The following PTPRD variants were observed in gnomAD, a reference collection of about 807,000 sequenced individuals.
PTPRD encodes receptor-type tyrosine-protein phosphatase delta.
In PTPRD, 34 loss-of-function variants were observed where a neutral mutation model predicts 214.5. That is an observed-to-expected ratio of 0.16 (90% CI 0.12 to 0.21). PTPRD has a LOEUF of 0.21. PTPRD is among the 10% of genes least tolerant of loss of function. The probability of loss-of-function intolerance (pLI) is 1.00; values close to 1 mark genes in which losing one functional copy is unlikely to be tolerated. For synonymous variants in PTPRD, 1,128 were observed against 845.7 expected (o/e 1.33, Z -5.79); for missense variants, 2,545 against 2,398.7 (o/e 1.06, Z -1.27).
chr9:10,294,460 T>G (rs1028056921), intron 3 of PTPRD, among the ~76,000 whole-genome samples: 1 of 151,912 alleles, frequency 6.6e-6, no homozygotes, highest in Non-Finnish European at 1.5e-5. Context: ...ACAATGACTG[T>G]AAATCAAGTC....
rs573413609 is a variant in PTPRD, at chr9:9,955,994, A to G, written c.-471-17384T>C. Among the ~76,000 whole-genome samples the G allele has an allele frequency of 3.3e-5, 5 of 152,176 alleles. No homozygotes were observed. In the South Asian group the frequency reaches 8.5e-4, roughly 26 times the overall value. On this transcript the variant is annotated intron_variant, in intron 4 of 45. Transcript: ENST00000381196. The stretch of plus-strand genomic sequence containing the variant: ...TGGGGGGGATCTAAAATCTTACACA[A>G]TAATTATTTGAGGCAGGCCACATTT...
chr9:9,298,448 A>T (rs1953972176), intron 9 of PTPRD, among the ~76,000 whole-genome samples: 1 of 151,782 alleles, frequency 6.6e-6, no homozygotes, highest in African/African-American at 2.4e-5. Context: ...GGCAGATGGA[A>T]TACACTTAAA....
intron 8 of PTPRD, among the ~76,000 whole-genome samples, chr9:9,516,164 ATTTT>A (rs1283256095): frequency 6.6e-6 from 1 of 152,130 alleles, no homozygotes; most frequent in African/African-American, 2.4e-5. Context: ...ACTGGATCTT[ATTTT>A]GTTTATACCA....
chr9:10,152,571 A>G (rs2099067895), intron 3 of PTPRD, among the ~76,000 whole-genome samples: 1 of 152,206 alleles, frequency 6.6e-6, no homozygotes, highest in Non-Finnish European at 1.5e-5. Context: ...CACGCTTGTA[A>G]TCCCAGCACT....
Position 8,766,594 on chromosome 9 carries a change from T to C in PTPRD, c.-103-32648A>G, listed in dbSNP as rs571783668. Reference sequence around the variant, plus strand: ...ACTGCAGCACAAAAGCACTCACCTATGTTTGTAATTGATTGCTTTTGAATT... The same window carrying C: ...ACTGCAGCACAAAAGCACTCACCTACGTTTGTAATTGATTGCTTTTGAATT... On this transcript the variant is annotated intron_variant, in intron 11 of 45. Coordinates refer to ENST00000381196, the MANE Select transcript of PTPRD (RefSeq NM_002839.4). Among the ~76,000 whole-genome samples the C allele has an allele frequency of 7.1e-4, 108 of 152,336 alleles. 3 individuals carry two copies. The South Asian group carries it at 0.017, about 25-fold the overall frequency.
chr9:9,263,271 T>C (rs1287940018), intron 9 of PTPRD, among the ~76,000 whole-genome samples: 2 of 151,664 alleles, frequency 1.3e-5, no homozygotes, highest in South Asian at 2.1e-4. Context: ...TTTTTGTCTT[T>C]TTTTATAAAT....
chr9:8,340,572 A>G, intron 41 of PTPRD, 103 bp from the exon 42 acceptor site: 1 of 1,137,226 alleles, frequency 8.8e-7, no homozygotes, highest in Non-Finnish European at 1.2e-6. Context: ...AAACGAAAAC[A>G]TATTATTAAT....
chr9:8,712,786 T>G (rs868361630), intron 12 of PTPRD, among the ~76,000 whole-genome samples: 27 of 152,188 alleles, frequency 1.8e-4, no homozygotes, highest in South Asian at 8.3e-4. Context: ...TGGCACGATC[T>G]TGGCTCACTG....
intron 7 of PTPRD, among the ~76,000 whole-genome samples, chr9:9,697,569 C>G (rs1257961234): frequency 6.6e-6 from 1 of 151,910 alleles, no homozygotes; most frequent in African/African-American, 2.4e-5. Context: ...TTGGAAGTCT[C>G]TCATATGTTT....
chr9:9,055,943 G>A (rs931939027), intron 10 of PTPRD, among the ~76,000 whole-genome samples: 4 of 151,872 alleles, frequency 2.6e-5, no homozygotes, highest in African/African-American at 9.7e-5. Flanking sequence ...AAGATATTCT[G>A]CACATGGTTT....
intron 33 of PTPRD, among the ~76,000 whole-genome samples, chr9:8,453,582 C>T (rs189966610): frequency 5.3e-5 from 8 of 152,346 alleles, no homozygotes; most frequent in Admixed American, 3.9e-4. Context: ...GATGTCCACA[C>T]AAAGAAGACA....
At position 9,601,524 on chromosome 9, in the gene PTPRD, G is replaced by A. The variant is rs2093769473; in HGVS notation, c.-286-26743C>T. 2.0e-5 allele frequency among the ~76,000 whole-genome samples: 3 copies of A among 152,138 alleles called. No individual in the cohort carries two copies. In the South Asian group the frequency reaches 6.2e-4, roughly 32 times the overall value. On this transcript the variant is annotated intron_variant, in intron 7 of 45. Transcript: ENST00000381196. The stretch of plus-strand genomic sequence containing the variant: ...CTGCATCCTAAAATGATAAAACCAT[G>A]AACAATCTATTATTTTTGGAAGAAT...
intron 7 of PTPRD, among the ~76,000 whole-genome samples, chr9:9,627,105 G>A (rs1057182501): frequency 2.0e-5 from 3 of 152,148 alleles, no homozygotes; most frequent in African/African-American, 7.2e-5. Flanking sequence ...CTTGAGGTCA[G>A]GAGTTCGAGA....
At chr9:10,599,445 T>C (rs1395016156) in intron 2 of PTPRD, among the ~76,000 whole-genome samples, 2 of 151,734 alleles carry the variant, frequency 1.3e-5, no homozygotes, top group East Asian at 3.9e-4. Flanking sequence ...TCTACTGCAG[T>C]GTAGCATATG....
rs2094515154 is a variant in PTPRD at position 9,611,549 on chromosome 9, TC to T, written c.-286-36769del. Among the ~76,000 whole-genome samples the T allele has an allele frequency of 3.3e-5, 5 of 152,194 alleles. No homozygotes were observed. In the South Asian group the frequency reaches 1.0e-3, roughly 32 times the overall value. On this transcript the variant is annotated intron_variant, in intron 7 of 45. Transcript: ENST00000381196. ...CTGATGTATAAAACATTTGGATGTA[TC>T]TAATCTGTATATGACTATAAACATA...
chr9:10,269,675 T>C (rs986435996), intron 3 of PTPRD, among the ~76,000 whole-genome samples: 2 of 152,198 alleles, frequency 1.3e-5, no homozygotes, highest in African/African-American at 4.8e-5. Context: ...TATAGTCCTT[T>C]ATTAACTGTA....
At chr9:10,438,288 G>A (rs1032096159) in intron 2 of PTPRD, among the ~76,000 whole-genome samples, 3 of 151,360 alleles carry the variant, frequency 2.0e-5, no homozygotes, top group Admixed American at 6.6e-5. Flanking sequence ...AGGAGCATCT[G>A]GAATTATAAG....
intron 10 of PTPRD, among the ~76,000 whole-genome samples, chr9:9,169,201 A>G (rs949183941): frequency 1.3e-5 from 2 of 152,132 alleles, no homozygotes; most frequent in African/African-American, 2.4e-5. Context: ...AACTTTTATG[A>G]TATTTCTAAA....
intron 7 of PTPRD, among the ~76,000 whole-genome samples, chr9:9,597,065 T>A (rs562399850): frequency 6.6e-5 from 10 of 152,066 alleles, no homozygotes; most frequent in Admixed American, 2.6e-4. Context: ...GGTAAGAAGT[T>A]CCCAGTAGTC....
Sources: gnomAD v4.1 joint callset for allele counts (sites outside exome capture counted in the v4.1 genomes callset) on GRCh38, gnomAD v4.1.1 for gene constraint, MANE v1.5 for transcripts, NCBI Gene and HGNC (gene_info 2026-07-23, HGNC 2026-07-21) for gene names.